The following CNTN4 variants were observed in gnomAD, a reference collection of about 807,000 sequenced individuals.
CNTN4 encodes the protein contactin-4.
CNTN4 carries 77 observed loss-of-function variants against 122.5 expected under a neutral mutation model. That is an observed-to-expected ratio of 0.63 (90% CI 0.52 to 0.76). The LOEUF (loss-of-function observed/expected upper bound fraction) is 0.76, where lower values mean the gene tolerates loss of function less well. Ranked by LOEUF, CNTN4 falls within the 30% of genes least tolerant of loss-of-function variation. The pLI, the probability that CNTN4 is intolerant of heterozygous loss-of-function variation, is 0.00. For synonymous variants in CNTN4, 512 were observed against 447.0 expected, an observed-to-expected ratio of 1.15 and a Z score of -1.83; for missense variants, 1,256 against 1,259.1, an observed-to-expected ratio of 1.00 and a Z score of 0.04.
rs148955744 is a variant in CNTN4, at chr3:2,841,757, G to A, written c.454+22176G>A. On this transcript the variant is annotated intron_variant, in intron 7 of 24. Coordinates refer to ENST00000418658, the MANE Select transcript of CNTN4 (RefSeq NM_175607.3). The surrounding 1 kb of genome is among the most constrained non-coding windows in gnomAD (Gnocchi z 4.8). ...AAATATGTTTCACTCATGATAACAT[G>A]ATCATTTTCAGGAATTTTATTCTTC... Among the ~76,000 whole-genome samples the A allele has an allele frequency of 6.6e-6, 1 of 152,132 alleles. No homozygotes were observed. Among genetic ancestry groups the A allele is most frequent in the Non-Finnish European group, 1.5e-5 (1 of 68,032 alleles).
chr3:2,995,454 G>A (rs1485986517), intron 14 of CNTN4, among the ~76,000 whole-genome samples: 22 of 152,164 alleles, frequency 1.4e-4, no homozygotes, highest in Non-Finnish European at 2.9e-5. Context: ...TACCATGACA[G>A]TCTGCCCTGA....
intron 6 of CNTN4, among the ~76,000 whole-genome samples, chr3:2,768,544 G>A (rs2090957722): frequency 1.3e-5 from 2 of 152,080 alleles, no homozygotes; most frequent in South Asian, 2.1e-4. Context: ...GGACCAATGG[G>A]AGCTCATTCT....
intron 10 of CNTN4, among the ~76,000 whole-genome samples, chr3:2,888,724 A>G (rs1411603038): frequency 6.6e-6 from 1 of 152,046 alleles, no homozygotes; most frequent in African/African-American, 2.4e-5. Context: ...TCATATTTAT[A>G]TACATATTTA....
intron 4 of CNTN4, among the ~76,000 whole-genome samples, chr3:2,680,487 A>G (rs949798463): frequency 6.6e-6 from 1 of 152,194 alleles, no homozygotes; most frequent in Non-Finnish European, 1.5e-5. Flanking sequence ...ATGGGTAGAC[A>G]CTTTTGGCAA....
At chr3:2,287,703 GA>G in intron 2 of CNTN4, among the ~76,000 whole-genome samples, 1 of 58,702 alleles carries the variant, frequency 1.7e-5, no homozygotes, top group Non-Finnish European at 3.4e-5. Flanking sequence ...GGAAGAAGAA[GA>G]AGAAGAGGAA....
rs1405310812 is a variant in CNTN4, at chr3:2,385,177, G to A, written c.-89+45944G>A. On this transcript the variant is annotated intron_variant, in intron 3 of 24. Coordinates refer to ENST00000418658, the MANE Select transcript of CNTN4 (RefSeq NM_175607.3). The surrounding 1 kb of genome is among the most constrained non-coding windows in gnomAD (Gnocchi z 4.0). ...CATAATCCATAACTCATATCAACAA[G>A]GTTAATCCCAAACTCTTTTTAAAAA... is the stretch of plus-strand genomic sequence containing the variant. 2.0e-5 allele frequency among the ~76,000 whole-genome samples: 3 copies of A among 152,038 alleles called. No individual in the cohort carries two copies. Among genetic ancestry groups the A allele is most frequent in the East Asian group, 1.9e-4 (1 of 5,170 alleles).
intron 4 of CNTN4, among the ~76,000 whole-genome samples, chr3:2,716,139 A>G (rs985656843): frequency 2.0e-5 from 3 of 152,102 alleles, no homozygotes; most frequent in African/African-American, 7.2e-5. Flanking sequence ...TACTTTCTTC[A>G]CTTTTTATAG....
At chr3:3,048,253 A>G (rs2125853445) in intron 23 of CNTN4, among the ~76,000 whole-genome samples, 1 of 152,316 alleles carries the variant, frequency 6.6e-6, no homozygotes, top group South Asian at 2.1e-4. Context: ...ACAAAAAAAT[A>G]CAATGAAAAT....
At chr3:2,108,726 G>T (rs1263074045) in intron 2 of CNTN4, among the ~76,000 whole-genome samples, 2 of 152,160 alleles carry the variant, frequency 1.3e-5, no homozygotes, top group Non-Finnish European at 2.9e-5. Flanking sequence ...CTAATTAAAA[G>T]ACATCATAAA....
chr3:2,241,697 C>T (rs2039947301), intron 2 of CNTN4, among the ~76,000 whole-genome samples: 1 of 152,174 alleles, frequency 6.6e-6, no homozygotes, highest in African/African-American at 2.4e-5. Flanking sequence ...TCTGTATCTG[C>T]CTCCCAATTA....
At chr3:2,190,806 G>GCACACACA (rs34364522) in intron 2 of CNTN4, among the ~76,000 whole-genome samples, 89 of 147,614 alleles carry the variant, frequency 6.0e-4, no homozygotes, top group African/African-American at 2.1e-3. Flanking sequence ...AGGACTTTAT[G>GCACACACA]CACACACACA....
chr3:2,762,731 A>T (rs937037196), intron 6 of CNTN4, among the ~76,000 whole-genome samples: 14 of 152,128 alleles, frequency 9.2e-5, no homozygotes, highest in African/African-American at 3.4e-4. Flanking sequence ...TTCCATCTTT[A>T]CATCTTTGAG....
At chr3:2,467,415 C>T (rs912587083) in intron 3 of CNTN4, among the ~76,000 whole-genome samples, 17 of 152,140 alleles carry the variant, frequency 1.1e-4, no homozygotes, top group African/African-American at 3.9e-4. Flanking sequence ...TTTGGTAAGT[C>T]ACAGCAAAAT....
At chr3:2,265,644 G>T (rs1037969273) in intron 2 of CNTN4, among the ~76,000 whole-genome samples, 1 of 151,968 alleles carries the variant, frequency 6.6e-6, no homozygotes, top group African/African-American at 2.4e-5. Context: ...TCAGTCTATA[G>T]ATTGCTTTGG....
At chr3:2,485,226 C>T (rs62233837) in intron 3 of CNTN4, among the ~76,000 whole-genome samples, 16,649 of 152,274 alleles carry the variant, frequency 0.11, 1,196 homozygotes, top group Middle Eastern at 0.18. Flanking sequence ...CCGGAGCCTC[C>T]GCAGACAGCA....
Position 2,599,390 on chromosome 3 carries a change from A to G in CNTN4, c.55+27832A>G, listed in dbSNP as rs183418293. 8.3e-4 allele frequency among the ~76,000 whole-genome samples: 126 copies of G among 152,362 alleles called. 2 individuals carry two copies. Among genetic ancestry groups the G allele is most frequent in the Admixed American group, 1.4e-3 (21 of 15,298 alleles). On this transcript the variant is annotated intron_variant, in intron 4 of 24. Coordinates refer to ENST00000418658, the MANE Select transcript of CNTN4 (RefSeq NM_175607.3). ...CTGTTGACTAACATGTAGCATTGCCATCTCCAATCCTTGGGGATTTATTTT... is the reference window on the plus strand; with the variant it reads ...CTGTTGACTAACATGTAGCATTGCCGTCTCCAATCCTTGGGGATTTATTTT...
At chr3:3,039,265 A>G (rs1029413446) in intron 19 of CNTN4, 1 of 401,988 alleles carries the variant, frequency 2.5e-6, no homozygotes, top group Admixed American at 3.7e-5. Context: ...AAAAAAAAAT[A>G]AAGAAGGCTG....
At chr3:2,744,288 T>C (rs2089635790) in intron 5 of CNTN4, among the ~76,000 whole-genome samples, 1 of 152,302 alleles carries the variant, frequency 6.6e-6, no homozygotes, top group East Asian at 1.9e-4. Context: ...CTCACGTACA[T>C]TTTTTTCATG....
At chr3:2,637,860 G>A (rs2082733386) in intron 4 of CNTN4, among the ~76,000 whole-genome samples, 1 of 152,010 alleles carries the variant, frequency 6.6e-6, no homozygotes, top group Admixed American at 6.6e-5. Context: ...TCCCTTGATT[G>A]ACTCTTCATC....
Sources: allele counts gnomAD v4.1 joint callset (sites outside exome capture counted in the v4.1 genomes callset), GRCh38; gene constraint gnomAD v4.1.1; non-coding constraint Gnocchi (gnomAD v3.1); transcripts MANE v1.5; gene names NCBI Gene and HGNC (gene_info 2026-07-23, HGNC 2026-07-21).